TMEM198: variants seen among roughly 807,000 people sequenced by gnomAD.
TMEM198 encodes transmembrane protein 198.
In TMEM198, 21 loss-of-function variants were observed where a neutral mutation model predicts 31.5. That is an observed-to-expected ratio of 0.67 (90% CI 0.47 to 0.96). The LOEUF is 0.96. Ranked by LOEUF, TMEM198 falls within the 40% of genes least tolerant of loss-of-function variation. The probability of loss-of-function intolerance (pLI) is 0.00; values close to 1 mark genes in which losing one functional copy is unlikely to be tolerated. For missense variants in TMEM198, 447 were observed against 499.4 expected (o/e 0.89, Z 1.00); for synonymous variants, 211 against 223.3 (o/e 0.95, Z 0.49).
At position 219,544,223 on chromosome 2, in the gene TMEM198, C is replaced by A. The variant is rs374863880; in HGVS notation, c.-194C>A. 2.0e-4 allele frequency: 95 copies of A among 464,922 alleles called. No homozygotes were observed. The highest frequency in any genetic ancestry group is 1.6e-3 in the African/African-American group (78 of 50,232). The allele number at this position is 464,922 out of a possible 1,614,324, so 28.8% of individuals were successfully genotyped here. On this transcript the variant is annotated 5_prime_UTR_variant, in exon 1 of 5. Transcript: ENST00000373883. ...ACGTGGAGCGGCGCCGCCACCGCGC[C>A]GACACCATTCTCTCCGGCCCAGCAG...
rs1310032219 is a variant in TMEM198, at chr2:219,549,901, G to A, written c.*47G>A. 5.0e-6 allele frequency: 8 copies of A among 1,590,916 alleles called. No individual in the cohort carries two copies. In the African/African-American group the frequency reaches 5.4e-5, roughly 11 times the overall value. ...CTGCAGTCACCAGCTCTGCCAGCTC[G>A]AGGAGGCCTGCTAGGCTGCCACTCA... On this transcript the variant is annotated 3_prime_UTR_variant, in exon 5 of 5. Transcript: ENST00000373883.
rs141543635 is a variant in TMEM198, at chr2:219,546,631, C to T, written c.167-875C>T. ...TATTTCTGTCAATCTCCCTAACCTA[C>T]AAATACCTCATTTTCTGGGACAACT... On this transcript the variant is annotated intron_variant, in intron 2 of 4. Coordinates refer to ENST00000373883, the MANE Select transcript of TMEM198 (RefSeq NM_001005209.3). Among the ~76,000 whole-genome samples, 1,022 of 152,250 alleles carry T rather than the reference C, an allele frequency of 6.7e-3. 8 individuals carry two copies. The highest frequency in any genetic ancestry group is 0.046 in the South Asian group (222 of 4,824).
rs397987890 is a variant in TMEM198, at chr2:219,546,778, C to CTTTTTTTTTTT, written c.167-721_167-711dup. ...TGTGTGACCCTCACCTCTCAAGTTT[C>CTTTTTTTTTTT]TTTTTTTTTTTTTTTTTGAGACAAG... On this transcript the variant is annotated intron_variant, in intron 2 of 4. Coordinates refer to ENST00000373883, the MANE Select transcript of TMEM198 (RefSeq NM_001005209.3). Among the ~76,000 whole-genome samples the CTTTTTTTTTTT allele has an allele frequency of 3.7e-3, 466 of 127,210 alleles. 5 individuals are homozygous for CTTTTTTTTTTT. The highest frequency in any genetic ancestry group is 4.1e-3 in the Non-Finnish European group (260 of 63,130). The allele number at this position is 127,210 out of a possible 152,430, so 83.5% of individuals were successfully genotyped here. A position where few individuals can be genotyped will look rare whatever the true frequency, so the allele number is the denominator to read the frequency against.
intron 2 of TMEM198, among the ~76,000 whole-genome samples, chr2:219,546,575 CTT>C (rs1235141685): frequency 6.6e-6 from 1 of 152,170 alleles, no homozygotes; most frequent in Non-Finnish European, 1.5e-5. Context: ...GTTCCTCTCT[CTT>C]GGAAATCGTT....
chr2:219,547,759 C>T lies in TMEM198; in HGVS notation c.420C>T (p.Tyr140=). The T allele has an allele frequency of 1.8e-5, 28 of 1,594,846 alleles. No individual in the cohort carries two copies. The highest frequency in any genetic ancestry group is 2.4e-5 in the Non-Finnish European group (28 of 1,177,036). ...CTGCCCTGCTGGGCTCCGCACCCTA[C>T]TACCAGCCAGGCTCCGTGTGGGGTC... The part of the protein sequence containing the change: ...AAAALLGSAP[Y]YQPGSVWGPL... The change falls in exon 3 of 5, where the codon TAC becomes TAT. Residue 140 remains tyrosine, a synonymous_variant. Coordinates refer to ENST00000373883, the MANE Select transcript of TMEM198 (RefSeq NM_001005209.3).
chr2:219,544,114 A>G lies in TMEM198; in HGVS notation c.-303A>G, dbSNP rs1695340978. The G allele has an allele frequency of 2.2e-6, 1 of 452,074 alleles. No individual in the cohort carries two copies. Among genetic ancestry groups the G allele is most frequent in the African/African-American group, 2.0e-5 (1 of 49,870 alleles). The allele number at this position is 452,074 out of a possible 1,614,324, so 28.0% of individuals were successfully genotyped here. ...GGGGCCGCGGTTCTGGGGCGGCCCG[A>G]GCCCCGGCTCCTGCGCCTTCCCCTT... On this transcript the variant is annotated 5_prime_UTR_variant, in exon 1 of 5. Coordinates refer to ENST00000373883, the MANE Select transcript of TMEM198 (RefSeq NM_001005209.3).
At chr2:219,543,977 T>A (rs907145), upstream of TMEM198, 4 of 350,250 alleles carry the variant, frequency 1.1e-5, no homozygotes, top group Non-Finnish European at 2.3e-5. Context: ...GTGCGTCCCA[T>A]GTGACGTCAG....
At chr2:219,548,160 G>C in intron 3 of TMEM198, 79 bp downstream of exon 3, 1 of 1,314,384 alleles carries the variant, frequency 7.6e-7, no homozygotes, top group African/African-American at 1.5e-5. Context: ...ACTGGGGAGT[G>C]GGGGACAGCA....
rs1362983510 is a variant in TMEM198, at chr2:219,548,006, C to G, written c.667C>G (p.Leu223Val). Residue 223 changes from leucine to valine, a missense_variant, in exon 3 of 5, where the codon CTC (leucine) becomes GTC (valine). By Grantham distance (32) the Leu-to-Val change is conservative. Coordinates refer to ENST00000373883, the MANE Select transcript of TMEM198 (RefSeq NM_001005209.3). ...CTGGCGAAGCTGGGCCCTGCTGGCA[C>G]TCTGGCCCCTGCTCAGCCTGATGGG... ...LCWRSWALLA[L>V]WPLLSLMGVL... is the part of the protein sequence containing the mutation. 2 of 1,589,794 alleles carry G rather than the reference C, an allele frequency of 1.3e-6. No homozygotes were observed. Among genetic ancestry groups the G allele is most frequent in the Admixed American group, 3.4e-5 (2 of 57,992 alleles).
Position 219,549,787 on chromosome 2 carries a change from A to G in TMEM198, c.1016A>G (p.Asp339Gly), listed in dbSNP as rs1461634820. 6.2e-7 allele frequency: 1 copy of G among 1,614,126 alleles called. No individual in the cohort carries two copies. The highest frequency in any genetic ancestry group is 8.5e-7 in the Non-Finnish European group (1 of 1,180,010). Residue 339 changes from aspartate to glycine, a missense_variant, in exon 5 of 5, where the codon GAT becomes GGT. Physicochemically the swap from Asp to Gly is moderately conservative, Grantham distance 94. Coordinates refer to ENST00000373883, the MANE Select transcript of TMEM198 (RefSeq NM_001005209.3). ...AGCTCCTTCATGGCCTCACCCACAG[A>G]TGCGGACTATGAGTATGGGTCCCGG... The part of the protein sequence containing the change: ...SLSSFMASPT[D>G]ADYEYGSRGP...
At chr2:219,545,327 G>A (rs1264260363) in intron 2 of TMEM198, among the ~76,000 whole-genome samples, 2 of 152,196 alleles carry the variant, frequency 1.3e-5, no homozygotes, top group African/African-American at 4.8e-5. Context: ...AGGGCATATT[G>A]TCTGACAGGG....
At chr2:219,549,647 A>G (rs761332865) in intron 4 of TMEM198, 70 bp from the exon 5 acceptor site, 1 of 1,590,996 alleles carries the variant, frequency 6.3e-7, no homozygotes, top group Non-Finnish European at 8.6e-7. Context: ...GCTTGTGGGA[A>G]TTCAGGAAGA....
At chr2:219,548,841 A>C (rs367709729) in intron 3 of TMEM198, among the ~76,000 whole-genome samples, 22 of 152,260 alleles carry the variant, frequency 1.4e-4, no homozygotes, top group Admixed American at 7.2e-4. Flanking sequence ...ACCAGTGAAG[A>C]AGCAGCTGTG....
chr2:219,549,402 A>C (rs1198708173), intron 4 of TMEM198, 48 bp downstream of exon 4: 10 of 1,575,910 alleles, frequency 6.3e-6, no homozygotes, highest in Admixed American at 1.8e-5. Flanking sequence ...AAGTGTGGAA[A>C]CTCTTTCCAA....
At chr2:219,546,780 T>TTC (rs1204824637) in intron 2 of TMEM198, among the ~76,000 whole-genome samples, 15 of 147,530 alleles carry the variant, frequency 1.0e-4, no homozygotes, top group East Asian at 3.9e-4. Context: ...TCAAGTTTCT[T>TTC]TTTTTTTTTT....
At chr2:219,544,462 TCCC>T in intron 1 of TMEM198, 85 bp downstream of exon 1, 1 of 571,528 alleles carries the variant, frequency 1.7e-6, no homozygotes, top group Admixed American at 2.6e-5. Context: ...GCTCCCTTCA[TCCC>T]CCCGACTCCC....
intron 1 of TMEM198, 56 bp downstream of exon 1, chr2:219,544,433 T>G (rs1273893722): frequency 3.6e-6 from 2 of 553,254 alleles, no homozygotes; most frequent in African/African-American, 1.9e-5. Context: ...CTTGGCTGCC[T>G]CCTTCTCACT....
rs749142074 is a variant in TMEM198, at chr2:219,549,304, C to T, written c.895C>T (p.Arg299Trp). The part of the protein sequence containing the change: ...PRPGPPDPAY[R>W]RRPVPIKRFN... ...GCCTGGGCCACCAGACCCTGCTTAT[C>T]GGCGCAGGCCAGTGCCCATCAAACG... Residue 299 changes from arginine (R) to tryptophan (W), a missense_variant, in exon 4 of 5, where the codon CGG (arginine) becomes TGG (tryptophan). By Grantham distance (101) the Arg-to-Trp change is moderately radical. Coordinates refer to ENST00000373883, the MANE Select transcript of TMEM198 (RefSeq NM_001005209.3). 23 of 1,613,768 alleles carry T rather than the reference C, an allele frequency of 1.4e-5. No individual in the cohort carries two copies. The highest frequency in any genetic ancestry group is 1.8e-5 in the Non-Finnish European group (21 of 1,180,040).
At chr2:219,548,191 T>A in intron 3 of TMEM198, 110 bp downstream of exon 3, 1 of 1,039,062 alleles carries the variant, frequency 9.6e-7, no homozygotes, top group Non-Finnish European at 1.4e-6. Flanking sequence ...TCGATGGCGG[T>A]AGAGAGCTGA....
Sources: allele counts gnomAD v4.1 joint callset (sites outside exome capture counted in the v4.1 genomes callset), GRCh38; gene constraint gnomAD v4.1.1; transcripts MANE v1.5; gene names NCBI Gene and HGNC (gene_info 2026-07-23, HGNC 2026-07-21).